Variants in LIG1 observed in about 807,000 individuals in gnomAD.
The protein encoded by LIG1 is DNA ligase 1.
A neutral mutation model predicts 115.7 loss-of-function variants in LIG1; 70 were observed. The observed-to-expected ratio is 0.60, with a 90% confidence interval of 0.50 to 0.74. The LOEUF is 0.74. LIG1 is among the 30% of genes least tolerant of loss of function. The pLI, the probability that LIG1 is intolerant of heterozygous loss-of-function variation, is 0.00. For missense variants in LIG1, 1,115 were observed against 1,225.6 expected, an observed-to-expected ratio of 0.91 and a Z score of 1.35; for synonymous variants, 487 against 495.3, an observed-to-expected ratio of 0.98 and a Z score of 0.22.
intron 2 of LIG1, among the ~76,000 whole-genome samples, chr19:48,165,345 C>T (rs929073051): frequency 6.6e-6 from 1 of 152,182 alleles, no homozygotes; most frequent in African/African-American, 2.4e-5. Flanking sequence ...AGGGTTTCTG[C>T]TCCTTGCAAC....
At chr19:48,135,187 G>A (rs558108506) in intron 16 of LIG1, among the ~76,000 whole-genome samples, 1 of 152,302 alleles carries the variant, frequency 6.6e-6, no homozygotes, top group East Asian at 1.9e-4. Flanking sequence ...TGTTGCCCAG[G>A]CTGGAACGCA....
At chr19:48,124,801 G>C (rs1256615046) in intron 21 of LIG1, among the ~76,000 whole-genome samples, 1 of 152,154 alleles carries the variant, frequency 6.6e-6, no homozygotes, top group African/African-American at 2.4e-5. Flanking sequence ...GATCACCTGA[G>C]GTCAGGAGTT....
In LIG1 at chr19:48,119,255, T is replaced by C. The variant is rs1029156451; in HGVS notation, c.2386-65A>G. The C allele has an allele frequency of 5.2e-6, 7 of 1,345,866 alleles. No homozygotes were observed. The African/African-American group carries it at 8.8e-5, about 17-fold the overall frequency. The allele number at this position is 1,345,866 out of a possible 1,614,324, so 83.4% of individuals were successfully genotyped here. ...ACAGGCCCAGCACTTGCTCCTGCCA[T>C]CTAAAGCTGTGTACACTCATGGCCC... On this transcript the variant is annotated intron_variant, in intron 24 of 27. Coordinates refer to ENST00000263274, the MANE Select transcript of LIG1 (RefSeq NM_000234.3).
chr19:48,150,038 G>A, intron 8 of LIG1, 50 bp downstream of exon 8: 2 of 1,613,180 alleles, frequency 1.2e-6, no homozygotes, highest in African/African-American at 1.3e-5. Flanking sequence ...AGGCTCACCA[G>A]CCTCCTGCCT....
intron 5 of LIG1, 134 bp from the exon 6 acceptor site, chr19:48,154,101 G>A: frequency 1.3e-6 from 1 of 769,642 alleles, no homozygotes; most frequent in South Asian, 1.4e-5. Flanking sequence ...CACAGTCACT[G>A]CCCCAGTGCA....
intron 21 of LIG1, among the ~76,000 whole-genome samples, chr19:48,125,841 C>T (rs890367845): frequency 4.6e-5 from 7 of 150,904 alleles, no homozygotes; most frequent in African/African-American, 9.8e-5. Flanking sequence ...ACAAAAAATT[C>T]GCCAGGCGTG....
intron 6 of LIG1, among the ~76,000 whole-genome samples, chr19:48,152,864 T>C (rs138812029): frequency 2.6e-5 from 4 of 152,232 alleles, no homozygotes; most frequent in African/African-American, 9.6e-5. Context: ...TGTTACAGAG[T>C]ATCCAAGGCA....
chr19:48,139,919 T>C (rs1415084845), intron 12 of LIG1, 52 bp downstream of exon 12: 1 of 1,600,544 alleles, frequency 6.2e-7, no homozygotes, highest in African/African-American at 1.3e-5. Flanking sequence ...CTCTGCATTT[T>C]CTCTGGCTGA....
At chr19:48,115,991 G>A (rs2032783309) in intron 26 of LIG1, 26 bp from the exon 27 acceptor site, 1 of 1,578,206 alleles carries the variant, frequency 6.3e-7, no homozygotes, top group Non-Finnish European at 8.7e-7. Flanking sequence ...GGAGACTCCT[G>A]CGGTCCAGCC....
Position 48,137,510 on chromosome 19 carries a change from C to G in LIG1, c.1254+12G>C, listed in dbSNP as rs773362119. ...TGTCTGGGGTCCGGGATGAGCGGCC[C>G]GCCCCACTCACAGCACTGCCAGTGA... is the stretch of plus-strand genomic sequence containing the variant. On this transcript the variant is annotated intron_variant, in intron 13 of 27. Transcript: ENST00000263274. The surrounding 1 kb of genome is among the most constrained non-coding windows in gnomAD (Gnocchi z 4.3). 3 of 1,610,980 alleles carry G rather than the reference C, an allele frequency of 1.9e-6. No individual in the cohort carries two copies. The highest frequency in any genetic ancestry group is 2.5e-6 in the Non-Finnish European group (3 of 1,179,952).
Position 48,135,755 on chromosome 19 carries a change from G to C in LIG1, c.1448C>G (p.Ala483Gly). ...GGCCTCTGCTGTCTTGCCCTTCCCAGCATCCACCATGGCTGGTGGGAATTC... is the reference window on the plus strand; with the variant it reads ...GGCCTCTGCTGTCTTGCCCTTCCCACCATCCACCATGGCTGGTGGGAATTC... ...GQEFPPAMVD[A>G]GKGKTAEARK... Residue 483 changes from alanine (A) to glycine (G), a missense_variant, in exon 16 of 28, where the codon GCT (alanine) becomes GGT (glycine). Transcript: ENST00000263274. 1.2e-6 allele frequency: 2 copies of C among 1,614,082 alleles called. No homozygotes were observed. Among genetic ancestry groups the C allele is most frequent in the Non-Finnish European group, 1.7e-6 (2 of 1,179,950 alleles).
intron 4 of LIG1, among the ~76,000 whole-genome samples, chr19:48,160,211 G>A (rs548838942): frequency 2.0e-5 from 3 of 152,334 alleles, no homozygotes; most frequent in Admixed American, 6.5e-5. Context: ...CTGCGTTTGT[G>A]GTCAATTGTT....
At chr19:48,135,645 G>C in intron 16 of LIG1, 35 bp downstream of exon 16, 1 of 1,521,534 alleles carries the variant, frequency 6.6e-7, no homozygotes, top group Non-Finnish European at 9.1e-7. Flanking sequence ...TCTGCCCACA[G>C]CCCCTGGCAA....
At chr19:48,127,595 A>G (rs2122477954) in intron 20 of LIG1, 1 of 610,172 alleles carries the variant, frequency 1.6e-6, no homozygotes, top group South Asian at 1.9e-5. Context: ...TGGCAGTGAC[A>G]TGGCACAGTT....
intron 26 of LIG1, among the ~76,000 whole-genome samples, chr19:48,117,033 C>A (rs956870124): frequency 6.6e-6 from 1 of 151,928 alleles, no homozygotes; most frequent in African/African-American, 2.4e-5. Context: ...GGGGTTTCAC[C>A]GTGTTGGTCA....
chr19:48,146,512 C>T (rs2035121054), intron 9 of LIG1, among the ~76,000 whole-genome samples: 1 of 152,092 alleles, frequency 6.6e-6, no homozygotes, highest in African/African-American at 2.4e-5. Context: ...AAGTGTCTGT[C>T]TCTATTAAAA....
chr19:48,154,184 TG>T, intron 5 of LIG1: 2 of 580,016 alleles, frequency 3.4e-6, no homozygotes, highest in South Asian at 3.6e-5. Flanking sequence ...CTCTGTGCTT[TG>T]CTCTCTCACG....
chr19:48,157,203 T>G, intron 4 of LIG1, 63 bp from the exon 5 acceptor site: 1 of 1,546,602 alleles, frequency 6.5e-7, no homozygotes, highest in Admixed American at 1.8e-5. Context: ...TTTCCAAAAG[T>G]TGAGAGTAGA....
At chr19:48,154,123 T>A in intron 5 of LIG1, 156 bp from the exon 6 acceptor site, 1 of 705,486 alleles carries the variant, frequency 1.4e-6, no homozygotes, top group Non-Finnish European at 2.6e-6. Context: ...GCCGCACCCT[T>A]CAATCCCTCC....
Sources: allele counts gnomAD v4.1 joint callset (sites outside exome capture counted in the v4.1 genomes callset), GRCh38; gene constraint gnomAD v4.1.1; non-coding constraint Gnocchi (gnomAD v3.1); transcripts MANE v1.5; gene names NCBI Gene and HGNC (gene_info 2026-07-23, HGNC 2026-07-21).